The following FIGNL2 variants were observed in gnomAD, a reference collection of about 807,000 sequenced individuals.
FIGNL2 encodes the protein fidgetin-like protein 2.
For synonymous variants in FIGNL2, 565 were observed against 484.0 expected (o/e 1.17, Z -2.20); for missense variants, 1,060 against 950.2 (o/e 1.12, Z -1.52).
rs1198178775 is a variant in FIGNL2 at position 51,822,348 on chromosome 12, G to T, written c.66C>A (p.Ser22=). The T allele has an allele frequency of 6.2e-7, 1 of 1,613,594 alleles. No homozygotes were observed. The highest frequency in any genetic ancestry group is 1.7e-4 in the Middle Eastern group (1 of 6,056). ...NQWPEQHLDV[S]STTPSPAHKL... is the part of the protein sequence containing the mutation. ...TGTGGGCCGGCGACGGGGTGGTGGAGGAGACGTCCAGGTGCTGCTCTGGCC... is the reference window on the plus strand; with the variant it reads ...TGTGGGCCGGCGACGGGGTGGTGGATGAGACGTCCAGGTGCTGCTCTGGCC... The change falls in exon 2 of 2, where the codon TCC becomes TCA. Residue 22 remains serine, a synonymous_variant. Transcript: ENST00000618634.
chr12:51,840,274 C>T (rs1305420809), intron 1 of FIGNL2, among the ~76,000 whole-genome samples: 1 of 152,184 alleles, frequency 6.6e-6, no homozygotes, highest in Non-Finnish European at 1.5e-5. Context: ...ATCTGGGGCT[C>T]CTCTTTGCCT....
At chr12:51,844,846 G>A (rs1939718131) in intron 1 of FIGNL2, 2 of 985,276 alleles carry the variant, frequency 2.0e-6, no homozygotes, top group Admixed American at 6.1e-5. Flanking sequence ...CTGGCCTAGT[G>A]CCTCAATCTC....
chr12:51,834,109 T>TTGGTTGGATGGA (rs1555234035), intron 1 of FIGNL2, among the ~76,000 whole-genome samples: 1 of 133,902 alleles, frequency 7.5e-6, no homozygotes, highest in African/African-American at 2.7e-5. Context: ...GGATGGATGG[T>TTGGTTGGATGGA]TGGATGGATG....
intron 1 of FIGNL2, chr12:51,845,396 A>G: frequency 1.1e-6 from 1 of 895,736 alleles, no homozygotes; most frequent in Non-Finnish European, 1.3e-6. Flanking sequence ...AAAAGGGGGC[A>G]GGACCAGCCC....
intron 1 of FIGNL2, among the ~76,000 whole-genome samples, chr12:51,834,183 A>C (rs772283320): frequency 6.8e-6 from 1 of 146,142 alleles, no homozygotes; most frequent in African/African-American, 2.5e-5. Flanking sequence ...CCAAATAAAG[A>C]AAGCAATCAG....
intron 1 of FIGNL2, among the ~76,000 whole-genome samples, chr12:51,824,798 CTT>C (rs1320086745): frequency 1.3e-5 from 2 of 152,348 alleles, no homozygotes; most frequent in Admixed American, 6.5e-5. Context: ...AATCCCAACA[CTT>C]TAGGAGGCCG....
intron 1 of FIGNL2, among the ~76,000 whole-genome samples, chr12:51,829,312 T>A (rs1251446099): frequency 6.6e-6 from 1 of 152,218 alleles, no homozygotes; most frequent in African/African-American, 2.4e-5. Context: ...TCTGGCTGCC[T>A]GGCAGAGCTT....
chr12:51,847,662 C>A, intron 1 of FIGNL2: 1 of 985,410 alleles, frequency 1.0e-6, no homozygotes, highest in South Asian at 4.7e-5. Context: ...CAGGCCTCCT[C>A]CTCTGGCGGG....
intron 1 of FIGNL2, chr12:51,825,774 G>A (rs547491626): frequency 9.9e-5 from 15 of 151,686 alleles, no homozygotes; most frequent in African/African-American, 1.7e-4. Context: ...CCGCTACCAC[G>A]CCCGGCTAAT....
Position 51,825,045 on chromosome 12 carries a change from AAAACAAAC to A in FIGNL2, c.-11-2629_-11-2622del, listed in dbSNP as rs373687245. On this transcript the variant is annotated intron_variant, in intron 1 of 1. Coordinates refer to ENST00000618634, the MANE Select transcript of FIGNL2 (RefSeq NM_001384995.1). Reference sequence around the variant, plus strand: ...GGCGACAAGAGTGAGACTCCATCTCAAAACAAACAAACAAACAAAAGTTACACAAATGC... The same window carrying A: ...GGCGACAAGAGTGAGACTCCATCTCAAAACAAACAAAAGTTACACAAATGC... 3.8e-3 allele frequency among the ~76,000 whole-genome samples: 581 copies of A among 152,196 alleles called. 1 individual carries two copies. The highest frequency in any genetic ancestry group is 0.013 in the African/African-American group (538 of 41,536).
intron 1 of FIGNL2, chr12:51,824,396 C>T (rs953597503): frequency 9.9e-5 from 15 of 152,218 alleles, no homozygotes; most frequent in African/African-American, 3.4e-4. Flanking sequence ...CTCTCTACTT[C>T]AGGTGACTGT....
At chr12:51,835,678 G>A (rs1939567962) in intron 1 of FIGNL2, among the ~76,000 whole-genome samples, 1 of 152,320 alleles carries the variant, frequency 6.6e-6, no homozygotes, top group Non-Finnish European at 1.5e-5. Flanking sequence ...CACTGTAGTA[G>A]ACATCACAGA....
intron 1 of FIGNL2, among the ~76,000 whole-genome samples, chr12:51,827,205 C>G (rs931863626): frequency 3.9e-5 from 6 of 152,218 alleles, no homozygotes; most frequent in Non-Finnish European, 8.8e-5. Context: ...TGTCTCCTGT[C>G]CAGGTTCACA....
At chr12:51,830,672 T>G (rs912339583) in intron 1 of FIGNL2, among the ~76,000 whole-genome samples, 34 of 151,828 alleles carry the variant, frequency 2.2e-4, no homozygotes, top group African/African-American at 3.4e-4. Flanking sequence ...TCTGTATTTT[T>G]AGTAGAGATG....
intron 1 of FIGNL2, among the ~76,000 whole-genome samples, chr12:51,846,021 A>G (rs555342353): frequency 6.6e-6 from 1 of 152,338 alleles, no homozygotes; most frequent in African/African-American, 2.4e-5. Context: ...CCACCACCCA[A>G]GAGCACAGAG....
At chr12:51,823,463 G>A (rs1448314075) in intron 1 of FIGNL2, 1 of 152,216 alleles carries the variant, frequency 6.6e-6, no homozygotes, top group Non-Finnish European at 1.5e-5. Flanking sequence ...CCTGTGAGAT[G>A]TAATAAACAA....
At chr12:51,843,075 G>A (rs1939687845) in intron 1 of FIGNL2, among the ~76,000 whole-genome samples, 1 of 152,212 alleles carries the variant, frequency 6.6e-6, no homozygotes, top group East Asian at 1.9e-4. Context: ...GGTGGCTAAG[G>A]AAGCCAAAGC....
intron 1 of FIGNL2, chr12:51,847,338 A>G (rs1444861229): frequency 1.0e-6 from 1 of 985,286 alleles, no homozygotes; most frequent in East Asian, 1.1e-4. Context: ...AGGAACCGGG[A>G]AGCCCACCTG....
chr12:51,833,531 C>T (rs919271630), intron 1 of FIGNL2, among the ~76,000 whole-genome samples: 14 of 152,180 alleles, frequency 9.2e-5, no homozygotes, highest in Non-Finnish European at 1.3e-4. Flanking sequence ...TCCTCATGGT[C>T]GGCTTCCATT....
Sources: gnomAD v4.1 joint callset for allele counts (sites outside exome capture counted in the v4.1 genomes callset) on GRCh38, gnomAD v4.1.1 for gene constraint, MANE v1.5 for transcripts, NCBI Gene and HGNC (gene_info 2026-07-23, HGNC 2026-07-21) for gene names.